The following ELAVL2 variants were observed in gnomAD, a reference collection of about 807,000 sequenced individuals.
ELAVL2 encodes ELAV like RNA binding protein 2, also known as ELAV-like protein 2.
ELAVL2 carries 4 observed loss-of-function variants against 34.6 expected under a neutral mutation model. The observed-to-expected ratio is 0.12, with a 90% CI of 0.06 to 0.26. The LOEUF (loss-of-function observed/expected upper bound fraction) is 0.26. Ranked by LOEUF, ELAVL2 falls within the 10% of genes least tolerant of loss-of-function variation. The pLI, the probability that ELAVL2 is intolerant of heterozygous loss-of-function variation, is 1.00. For missense variants in ELAVL2, 432 were observed against 442.8 expected, an observed-to-expected ratio of 0.98 and a Z score of 0.22; for synonymous variants, 193 against 154.8, an observed-to-expected ratio of 1.25 and a Z score of -1.83.
Position 23,704,974 on chromosome 9 carries a change from A to G in ELAVL2, c.431T>C (p.Leu144Pro). 1 of 1,614,144 alleles carries G rather than the reference A, an allele frequency of 6.2e-7. No individual in the cohort carries two copies. Among genetic ancestry groups the G allele is most frequent in the Non-Finnish European group, 8.5e-7 (1 of 1,180,006 alleles). Residue 144 changes from leucine to proline, a missense_variant, in exon 4 of 7, where the codon CTT becomes CCT. Physicochemically the swap from Leu to Pro is moderately conservative, Grantham distance 98. Coordinates refer to ENST00000397312, the MANE Select transcript of ELAVL2 (RefSeq NM_004432.5). ...KTMTQKELEQLFSQYGRIITS... is the reference protein window; with the variant it reads ...KTMTQKELEQPFSQYGRIITS... ...AATAATGCGTCCATATTGTGAAAAA[A>G]GCTGTTCCAACTCCTTCTGGGTCAT...
intron 2 of ELAVL2, among the ~76,000 whole-genome samples, chr9:23,732,149 A>C (rs766134644): frequency 6.6e-6 from 1 of 152,192 alleles, no homozygotes; most frequent in Non-Finnish European, 1.5e-5. Context: ...GGACGGTCCA[A>C]ATGCTTTTAC....
Position 23,812,913 on chromosome 9 carries a change from G to A in ELAVL2, c.-16+12893C>T, listed in dbSNP as rs572171884. Among the ~76,000 whole-genome samples the A allele has an allele frequency of 5.5e-4, 84 of 152,152 alleles. 1 individual carries two copies. Among genetic ancestry groups the A allele is most frequent in the African/African-American group, 2.0e-3 (81 of 41,528 alleles). On this transcript the variant is annotated intron_variant, in intron 1 of 6. Transcript: ENST00000397312. ...GCTGAAGTGGCTGCCAGGAGAGCAGGGTTTTATGGGCATTGTTCCATCCTA... is the reference window on the plus strand; with the variant it reads ...GCTGAAGTGGCTGCCAGGAGAGCAGAGTTTTATGGGCATTGTTCCATCCTA...
chr9:23,784,761 T>C (rs988181719), intron 1 of ELAVL2, among the ~76,000 whole-genome samples: 3 of 152,226 alleles, frequency 2.0e-5, no homozygotes, highest in African/African-American at 4.8e-5. Flanking sequence ...TAACTCCCAT[T>C]ACATCACACT....
At chr9:23,807,960 T>C (rs2062458415) in intron 1 of ELAVL2, among the ~76,000 whole-genome samples, 1 of 152,138 alleles carries the variant, frequency 6.6e-6, no homozygotes, top group South Asian at 2.1e-4. Context: ...AATTACGTTG[T>C]CCTGCAAAGA....
At chr9:23,764,925 A>G in intron 1 of ELAVL2, 10 of 1,307,278 alleles carry the variant, frequency 7.6e-6, no homozygotes, top group Non-Finnish European at 1.1e-5. Flanking sequence ...CAAATGAAAG[A>G]TTCAAGTGTT....
intron 1 of ELAVL2, among the ~76,000 whole-genome samples, chr9:23,808,506 A>G (rs148326602): frequency 4.4e-4 from 67 of 152,270 alleles, no homozygotes; most frequent in African/African-American, 1.5e-3. Context: ...GGGGGCAGAA[A>G]AGGCTGGATC....
chr9:23,752,491 A>G (rs2052361336), intron 2 of ELAVL2, among the ~76,000 whole-genome samples: 2 of 150,360 alleles, frequency 1.3e-5, no homozygotes, highest in Admixed American at 1.3e-4. Flanking sequence ...TTTGAGATAG[A>G]GTCTCCCTCT....
intron 1 of ELAVL2, among the ~76,000 whole-genome samples, chr9:23,793,019 C>A (rs2137292704): frequency 6.6e-6 from 1 of 152,194 alleles, no homozygotes; most frequent in Non-Finnish European, 1.5e-5. Flanking sequence ...TCAAGCAATC[C>A]CTCCCCGCAA....
chr9:23,723,424 G>C (rs1300368256), intron 3 of ELAVL2, among the ~76,000 whole-genome samples: 1 of 152,012 alleles, frequency 6.6e-6, no homozygotes, highest in African/African-American at 2.4e-5. Flanking sequence ...ACTGTTGTGG[G>C]GACGGGGGAG....
At chr9:23,764,979 C>T (rs918898989) in intron 1 of ELAVL2, 6 of 1,603,394 alleles carry the variant, frequency 3.7e-6, no homozygotes, top group East Asian at 2.2e-5. Context: ...AAAAAAGTAG[C>T]CTACAGAATT....
Position 23,817,444 on chromosome 9 carries a change from T to C in ELAVL2, c.-16+8362A>G, listed in dbSNP as rs10966088. On this transcript the variant is annotated intron_variant, in intron 1 of 6. Transcript: ENST00000397312. ...TTCAGCAATATTCAAAAAGGTACCATGTCATTAAGCATATCAATTCAGTTC... is the reference window on the plus strand; with the variant it reads ...TTCAGCAATATTCAAAAAGGTACCACGTCATTAAGCATATCAATTCAGTTC... Among the ~76,000 whole-genome samples the C allele has an allele frequency of 6.1e-4, 93 of 152,246 alleles. 2 individuals are homozygous for C. The East Asian group carries it at 0.016, about 26-fold the overall frequency.
At chr9:23,708,900 A>T (rs1449722934) in intron 3 of ELAVL2, among the ~76,000 whole-genome samples, 2 of 152,008 alleles carry the variant, frequency 1.3e-5, no homozygotes, top group Non-Finnish European at 2.9e-5. Flanking sequence ...GGCCTCCCAA[A>T]GTGCTGGGAT....
chr9:23,730,803 G>A (rs1473818165), intron 3 of ELAVL2, among the ~76,000 whole-genome samples: 1 of 152,030 alleles, frequency 6.6e-6, no homozygotes, highest in East Asian at 1.9e-4. Context: ...ATCTAAGAGA[G>A]TTGTTGCTCT....
intron 1 of ELAVL2, among the ~76,000 whole-genome samples, chr9:23,768,565 T>C (rs567740432): frequency 3.7e-4 from 56 of 152,124 alleles, no homozygotes; most frequent in Non-Finnish European, 7.1e-4. Flanking sequence ...GAAGTAATTA[T>C]GAAAGCATAT....
chr9:23,702,974 A>AAAAAAAAAAAAAAAAAAAAAAAAAAAAAC, intron 4 of ELAVL2, among the ~76,000 whole-genome samples: 1 of 139,302 alleles, frequency 7.2e-6, no homozygotes. Context: ...AAAAAAAAAA[A>AAAAAAAAAAAAAAAAAAAAAAAAAAAAAC]AAAAAAACAG....
At chr9:23,790,068 G>GAA (rs375245508) in intron 1 of ELAVL2, among the ~76,000 whole-genome samples, 2 of 140,898 alleles carry the variant, frequency 1.4e-5, no homozygotes, top group African/African-American at 2.6e-5. Context: ...TAAAAAAGGG[G>GAA]AAAAAAAAAA....
the ELAVL2 span, among the ~76,000 whole-genome samples, chr9:23,834,965 C>A: frequency 6.6e-6 from 1 of 151,942 alleles, no homozygotes; most frequent in Non-Finnish European, 1.5e-5. Flanking sequence ...ATCATTGTAA[C>A]CCCAGGAGGT....
chr9:23,801,846 G>A (rs921872478), intron 1 of ELAVL2, among the ~76,000 whole-genome samples: 3 of 152,044 alleles, frequency 2.0e-5, no homozygotes, highest in Admixed American at 2.0e-4. Context: ...AAGGGGGAAG[G>A]GACTCCCACA....
chr9:23,769,071 CAG>C (rs1379069638), intron 1 of ELAVL2, among the ~76,000 whole-genome samples: 1 of 152,092 alleles, frequency 6.6e-6, no homozygotes, highest in African/African-American at 2.4e-5. Flanking sequence ...TATTCAAACA[CAG>C]CACACCAGGA....
Sources: allele counts gnomAD v4.1 joint callset (sites outside exome capture counted in the v4.1 genomes callset), GRCh38; gene constraint gnomAD v4.1.1; transcripts MANE v1.5; gene names NCBI Gene and HGNC (gene_info 2026-07-23, HGNC 2026-07-21).